Variants in KIAA0825 observed in about 807,000 individuals in gnomAD.
KIAA0825 encodes KIAA0825, also known as uncharacterized protein KIAA0825.
In KIAA0825, 119 loss-of-function variants were observed where a neutral mutation model predicts 147.6. That is an observed-to-expected ratio of 0.81 (90% confidence interval 0.69 to 0.94). The LOEUF is 0.94. Ranked by LOEUF, KIAA0825 falls within the 40% of genes least tolerant of loss-of-function variation. KIAA0825 has a pLI of 0.00. For synonymous variants in KIAA0825, 470 were observed against 518.1 expected (o/e 0.91, Z 1.26); for missense variants, 1,381 against 1,472.7 (o/e 0.94, Z 1.02).
chr5:94,507,739 GA>G (rs1765930553), intron 5 of KIAA0825, among the ~76,000 whole-genome samples: 1 of 150,716 alleles, frequency 6.6e-6, no homozygotes, highest in South Asian at 2.1e-4. Context: ...ACTATATAAG[GA>G]AAAGCAGAAG....
At chr5:94,449,111 A>T in intron 13 of KIAA0825, among the ~76,000 whole-genome samples, 1 of 152,174 alleles carries the variant, frequency 6.6e-6, no homozygotes, top group Admixed American at 6.5e-5. Context: ...CCAAGAAAGG[A>T]AACTGCATAA....
chr5:94,489,869 CAG>C (rs1451704048), intron 5 of KIAA0825, among the ~76,000 whole-genome samples: 1 of 126,316 alleles, frequency 7.9e-6, no homozygotes, highest in Non-Finnish European at 1.6e-5. Context: ...CTGAGTGACA[CAG>C]AGAGAGACTC....
At chr5:94,593,200 G>A in intron 1 of KIAA0825, 1 of 754,378 alleles carries the variant, frequency 1.3e-6, no homozygotes, top group Non-Finnish European at 2.5e-6. Context: ...AGAAGCATGG[G>A]GTAGGCTAGA....
rs761999530 is a variant in KIAA0825, at chr5:94,464,921, C to A, written c.2011G>T (p.Ala671Ser). 2.4e-5 allele frequency: 37 copies of A among 1,551,484 alleles called. No individual in the cohort carries two copies. In the East Asian group the frequency reaches 8.6e-4, roughly 36 times the overall value. Residue 671 changes from alanine to serine, a missense_variant, in exon 11 of 21, where the codon GCC (alanine) becomes TCC (serine). By Grantham distance (99) the Ala-to-Ser change is moderately conservative (BLOSUM62 1). Transcript: ENST00000682413. ...EVLEKSLSLL[A>S]SRYARAHPSR... The stretch of plus-strand genomic sequence containing the variant: ...GGGTGGGCCCGAGCGTATCTGGAGG[C>A]CAGTAGACTCAAAGATTTCTCCAGC...
chr5:94,234,315 G>C (rs531526657), intron 20 of KIAA0825, among the ~76,000 whole-genome samples: 1 of 151,626 alleles, frequency 6.6e-6, no homozygotes, highest in African/African-American at 2.4e-5. Context: ...AGCTTGCAGT[G>C]AGCCGAGATC....
At chr5:94,157,172 C>T (rs1232614969) in intron 20 of KIAA0825, among the ~76,000 whole-genome samples, 1 of 152,106 alleles carries the variant, frequency 6.6e-6, no homozygotes, top group African/African-American at 2.4e-5. Context: ...TCCAGAAAAG[C>T]ATTATGAGGT....
At chr5:94,189,213 A>G (rs1417336569) in intron 20 of KIAA0825, among the ~76,000 whole-genome samples, 1 of 152,154 alleles carries the variant, frequency 6.6e-6, no homozygotes, top group Non-Finnish European at 1.5e-5. Flanking sequence ...TAGTCTTGGC[A>G]TGCCTCTTTG....
intron 20 of KIAA0825, among the ~76,000 whole-genome samples, chr5:94,325,748 T>A (rs532447633): frequency 2.6e-5 from 4 of 152,126 alleles, no homozygotes; most frequent in African/African-American, 9.6e-5. Flanking sequence ...TGACAGTTCT[T>A]GCATTCTCAA....
intron 8 of KIAA0825, 146 bp from the exon 9 acceptor site, chr5:94,471,877 T>C (rs1761247829): frequency 1.4e-6 from 1 of 734,216 alleles, no homozygotes; most frequent in Non-Finnish European, 2.2e-6. Context: ...GATTTCTCAG[T>C]TGTAGAAAGT....
intron 20 of KIAA0825, among the ~76,000 whole-genome samples, chr5:94,160,783 G>A (rs895071239): frequency 2.0e-5 from 3 of 151,878 alleles, no homozygotes; most frequent in African/African-American, 7.3e-5. Flanking sequence ...TCCAAACAGT[G>A]AAGAGTAAAG....
intron 20 of KIAA0825, among the ~76,000 whole-genome samples, chr5:94,353,277 T>C (rs1357859246): frequency 6.6e-6 from 1 of 152,180 alleles, no homozygotes; most frequent in Non-Finnish European, 1.5e-5. Flanking sequence ...CAAAAGACAA[T>C]ATGAAGTCTT....
chr5:94,586,289 C>A (rs1442233906), intron 1 of KIAA0825, among the ~76,000 whole-genome samples: 1 of 152,114 alleles, frequency 6.6e-6, no homozygotes, highest in Non-Finnish European at 1.5e-5. Flanking sequence ...AGGTAGACCA[C>A]TAGCCAGACT....
In KIAA0825 at chr5:94,151,678, T is replaced by C. The variant is rs1279145858; in HGVS notation, c.*2329A>G. The stretch of plus-strand genomic sequence containing the variant: ...TTTCAAAAGGGAGCCACAGAAAAGA[T>C]TTTTTCTGGAGGAGCAAAATTACTT... On this transcript the variant is annotated 3_prime_UTR_variant, in exon 21 of 21. Coordinates refer to ENST00000682413, the MANE Select transcript of KIAA0825 (RefSeq NM_001145678.3). Among the ~76,000 whole-genome samples the C allele has an allele frequency of 6.6e-6, 1 of 152,100 alleles. No homozygotes were observed. Among genetic ancestry groups the C allele is most frequent in the Non-Finnish European group, 1.5e-5 (1 of 68,002 alleles).
intron 2 of KIAA0825, among the ~76,000 whole-genome samples, chr5:94,557,329 T>C (rs985463493): frequency 6.6e-6 from 1 of 151,992 alleles, no homozygotes; most frequent in African/African-American, 2.4e-5. Context: ...TTTCAAACTC[T>C]TGGGCTCAAG....
intron 14 of KIAA0825, among the ~76,000 whole-genome samples, chr5:94,436,827 G>C (rs1472622950): frequency 2.6e-5 from 4 of 152,034 alleles, no homozygotes; most frequent in Non-Finnish European, 5.9e-5. Context: ...TTGTTGTAAA[G>C]GTCCTTCACT....
intron 3 of KIAA0825, among the ~76,000 whole-genome samples, chr5:94,526,417 A>T (rs1479758163): frequency 6.6e-6 from 1 of 151,992 alleles, no homozygotes; most frequent in East Asian, 1.9e-4. Flanking sequence ...TTCTTAAACT[A>T]GATGGTGGGC....
intron 12 of KIAA0825, among the ~76,000 whole-genome samples, chr5:94,457,585 C>T (rs1349640566): frequency 6.6e-6 from 1 of 152,208 alleles, no homozygotes; most frequent in African/African-American, 2.4e-5. Context: ...CGCCAGCACT[C>T]TGTCCTAGAT....
At chr5:94,594,088 A>G in intron 1 of KIAA0825, 1 of 542,650 alleles carries the variant, frequency 1.8e-6, no homozygotes, top group Non-Finnish European at 3.7e-6. Flanking sequence ...GGATCCTCTT[A>G]TGTTAGTGTT....
chr5:94,313,867 T>G (rs1009296247), intron 20 of KIAA0825, among the ~76,000 whole-genome samples: 2 of 151,638 alleles, frequency 1.3e-5, no homozygotes, highest in African/African-American at 4.8e-5. Context: ...GTTCTTTCAT[T>G]GCATCTGTCA....
Sources: allele counts gnomAD v4.1 joint callset (sites outside exome capture counted in the v4.1 genomes callset), GRCh38; gene constraint gnomAD v4.1.1; transcripts MANE v1.5; gene names NCBI Gene and HGNC (gene_info 2026-07-23, HGNC 2026-07-21).